The following LNPK variants were observed in gnomAD, a reference collection of about 807,000 sequenced individuals.
LNPK encodes lunapark, ER junction formation factor, also known as endoplasmic reticulum junction formation protein lunapark.
In LNPK, 29 loss-of-function variants were observed where a neutral mutation model predicts 55.2. That is an observed-to-expected ratio of 0.53 (90% CI 0.39 to 0.72). The LOEUF (loss-of-function observed/expected upper bound fraction) is 0.72. Among genes scored for constraint, LNPK ranks in the 30% least tolerant of loss-of-function variants. The pLI is 0.00. For synonymous variants in LNPK, 162 were observed against 168.2 expected (o/e 0.96, Z 0.29); for missense variants, 467 against 494.8 (o/e 0.94, Z 0.53).
chr2:175,968,258 G>A (rs1379699800), intron 6 of LNPK, among the ~76,000 whole-genome samples: 1 of 152,058 alleles, frequency 6.6e-6, no homozygotes, highest in Non-Finnish European at 1.5e-5. Flanking sequence ...TAATTCTCAG[G>A]GAACTATAAC....
At position 175,952,700 on chromosome 2, in the gene LNPK, C is replaced by CA. The variant is rs71409062; in HGVS notation, c.494-5009dup. ...TATAGAGGCAAAGCTTTTTGAAAAA[C>CA]AAAAAAAAAAACTTCTCTGCATTTC... On this transcript the variant is annotated intron_variant, in intron 8 of 12. Transcript: ENST00000272748. Among the ~76,000 whole-genome samples the CA allele has an allele frequency of 3.5e-3, 484 of 139,394 alleles. 1 individual carries two copies. The highest frequency in any genetic ancestry group is 7.7e-3 in the African/African-American group (298 of 38,588). The allele number at this position is 139,394 out of a possible 152,430, so 91.4% of individuals were successfully genotyped here.
intron 2 of LNPK, among the ~76,000 whole-genome samples, chr2:175,994,549 G>A (rs932881364): frequency 6.6e-6 from 1 of 152,018 alleles, no homozygotes; most frequent in African/African-American, 2.4e-5. Flanking sequence ...TTGAGACAGA[G>A]TCTAGCTCTG....
intron 4 of LNPK, among the ~76,000 whole-genome samples, chr2:175,984,952 A>C (rs1215777091): frequency 5.3e-5 from 8 of 152,216 alleles, no homozygotes; most frequent in Non-Finnish European, 1.2e-4. Flanking sequence ...AACTGGAAAC[A>C]ATGCAAATGC....
chr2:175,992,346 G>GA lies in LNPK; in HGVS notation c.141dup (p.Leu48SerfsTer21). 1 of 1,544,294 alleles carries GA rather than the reference G, an allele frequency of 6.5e-7. No individual in the cohort carries two copies. Among genetic ancestry groups the GA allele is most frequent in the Non-Finnish European group, 8.7e-7 (1 of 1,151,118 alleles). On this transcript the variant is annotated frameshift_variant, in exon 4 of 13. Transcript: ENST00000272748. LOFTEE classifies it high-confidence loss of function. ...AACAGATAGAGAACTGAGGAATACA[G>GA]AATTAATCTTCCAACCCATAATTTT...
chr2:175,972,826 C>G (rs1686723424), intron 5 of LNPK, among the ~76,000 whole-genome samples: 1 of 152,080 alleles, frequency 6.6e-6, no homozygotes, highest in African/African-American at 2.4e-5. Flanking sequence ...TGGCATTTGC[C>G]TTTTAGAGTA....
chr2:175,972,361 C>T (rs1016915864), intron 5 of LNPK, among the ~76,000 whole-genome samples: 1 of 151,992 alleles, frequency 6.6e-6, no homozygotes, highest in Non-Finnish European at 1.5e-5. Context: ...CTGCAGAATA[C>T]ACCCCAGCTG....
chr2:175,939,508 T>A (rs746380268), intron 10 of LNPK, 44 bp downstream of exon 10: 10 of 1,041,920 alleles, frequency 9.6e-6, no homozygotes, highest in Non-Finnish European at 1.5e-5. Context: ...CACACACACA[T>A]CCTGTTTTCA....
At chr2:175,947,358 C>T (rs1318506856) in intron 9 of LNPK, 122 bp downstream of exon 9, 1 of 737,388 alleles carries the variant, frequency 1.4e-6, no homozygotes, top group Non-Finnish European at 2.2e-6. Context: ...CCTGCTTAAT[C>T]AGATAACTGC....
chr2:175,996,655 T>C (rs1435758950), intron 1 of LNPK, among the ~76,000 whole-genome samples: 2 of 152,224 alleles, frequency 1.3e-5, no homozygotes, highest in Non-Finnish European at 2.9e-5. Flanking sequence ...TTCAGATTTC[T>C]AGCCTCTATT....
intron 8 of LNPK, among the ~76,000 whole-genome samples, chr2:175,948,807 T>A (rs1685268395): frequency 6.6e-6 from 1 of 152,188 alleles, no homozygotes; most frequent in Non-Finnish European, 1.5e-5. Flanking sequence ...AGTACAGCTC[T>A]AGCATCAGAT....
intron 9 of LNPK, among the ~76,000 whole-genome samples, chr2:175,947,087 G>T (rs979910372): frequency 6.6e-6 from 1 of 151,890 alleles, no homozygotes; most frequent in African/African-American, 2.4e-5. Context: ...ATGTTGTCAT[G>T]TTTAAAAATA....
At chr2:175,974,360 G>A (rs1348315315) in intron 5 of LNPK, among the ~76,000 whole-genome samples, 1 of 152,102 alleles carries the variant, frequency 6.6e-6, no homozygotes, top group Non-Finnish European at 1.5e-5. Context: ...AAAAAATGCT[G>A]TAAAGTTATA....
chr2:175,954,093 T>C (rs147910937), intron 8 of LNPK, among the ~76,000 whole-genome samples: 133 of 152,316 alleles, frequency 8.7e-4, no homozygotes, highest in Admixed American at 3.9e-3. Context: ...TTAAAAGTTA[T>C]AATGCATTGT....
chr2:175,986,173 T>A (rs1480219923), intron 4 of LNPK, among the ~76,000 whole-genome samples: 2 of 152,126 alleles, frequency 1.3e-5, no homozygotes, highest in East Asian at 3.8e-4. Flanking sequence ...CATAAGGTAG[T>A]TCTCATTGCT....
chr2:175,937,563 T>G, intron 11 of LNPK, 49 bp from the exon 12 acceptor site: 1 of 1,385,714 alleles, frequency 7.2e-7, no homozygotes, highest in African/African-American at 1.4e-5. Context: ...CAAGCAAAGT[T>G]CAAGAACTAA....
intron 9 of LNPK, among the ~76,000 whole-genome samples, chr2:175,941,790 C>CAAAAAAAAAAA (rs59162981): frequency 1.3e-3 from 68 of 51,894 alleles, no homozygotes; most frequent in Non-Finnish European, 1.5e-3. Context: ...GATTCCATCT[C>CAAAAAAAAAAA]AAAAAAAAAA....
upstream of LNPK, chr2:176,002,343 G>A: frequency 2.4e-6 from 1 of 416,224 alleles, no homozygotes; most frequent in Non-Finnish European, 4.7e-6. Flanking sequence ...GGCGCGCGCC[G>A]CTCCCCCGTC....
At position 175,934,702 on chromosome 2, in the gene LNPK, G is replaced by A. The variant is rs1375829465; in HGVS notation, c.1054+2642C>T. ...TTAATGTAACTTAGCAGAGATTCAA[G>A]TATTACGGTACTATCTATTTAACCA... On this transcript the variant is annotated intron_variant, in intron 12 of 12. Transcript: ENST00000272748. Among the ~76,000 whole-genome samples, 3 of 151,334 alleles carry A rather than the reference G, an allele frequency of 2.0e-5. No individual in the cohort carries two copies. The Admixed American group carries it at 2.0e-4, about 10-fold the overall frequency.
chr2:175,939,984 C>A (rs780547031), intron 9 of LNPK, among the ~76,000 whole-genome samples: 1 of 151,946 alleles, frequency 6.6e-6, no homozygotes, highest in Non-Finnish European at 1.5e-5. Context: ...TAAAAGCCTA[C>A]GTGATAGTAA....
Sources: allele counts gnomAD v4.1 joint callset (sites outside exome capture counted in the v4.1 genomes callset), GRCh38; gene constraint gnomAD v4.1.1; transcripts MANE v1.5; gene names NCBI Gene and HGNC (gene_info 2026-07-23, HGNC 2026-07-21).